MIER2: variants seen among roughly 807,000 people sequenced by gnomAD.
The protein encoded by MIER2 is mesoderm induction early response protein 2.
In MIER2, 30 loss-of-function variants were observed where a neutral mutation model predicts 67.6. The observed-to-expected ratio is 0.44, with a 90% CI of 0.33 to 0.60. The LOEUF (loss-of-function observed/expected upper bound fraction) is 0.60, where lower values mean the gene tolerates loss of function less well. Ranked by LOEUF, MIER2 falls within the 20% of genes least tolerant of loss-of-function variation. MIER2 has a pLI of 0.02. For synonymous variants in MIER2, 372 were observed against 312.6 expected (o/e 1.19, Z -2.00); for missense variants, 702 against 745.1 (o/e 0.94, Z 0.67).
At position 307,294 on chromosome 19, in the gene MIER2, G is replaced by A. The variant is rs1222704320; in HGVS notation, c.1441C>T (p.Pro481Ser). 1.3e-6 allele frequency: 2 copies of A among 1,599,302 alleles called. No individual in the cohort carries two copies. Among genetic ancestry groups the A allele is most frequent in the Non-Finnish European group, 8.5e-7 (1 of 1,173,622 alleles). ...AVDFALPKEL[P>S]LISSHVDLSG... The stretch of plus-strand genomic sequence containing the variant: ...AGGTCCACATGGCTGGAGATGAGGG[G>A]CAGCTCCTTGGGCAGGGCGAAGTCC... The change falls in exon 13 of 14, where the codon CCC becomes TCC. Residue 481 changes from proline (P) to serine (S), a missense_variant. Pro to Ser is a moderately conservative substitution (Grantham distance 74). Coordinates refer to ENST00000264819, the MANE Select transcript of MIER2 (RefSeq NM_017550.3).
chr19:335,079 G>A (rs1346538903), intron 2 of MIER2, among the ~76,000 whole-genome samples: 2 of 152,256 alleles, frequency 1.3e-5, no homozygotes, highest in Non-Finnish European at 2.9e-5. Context: ...TGGCCCAACA[G>A]TTGACGGCTG....
intron 1 of MIER2, among the ~76,000 whole-genome samples, chr19:342,178 G>T (rs899354366): frequency 6.6e-6 from 1 of 152,240 alleles, no homozygotes; most frequent in African/African-American, 2.4e-5. Context: ...CCACTCCTCC[G>T]TCTGACCAAT....
chr19:317,973 G>C (rs1376003242), intron 7 of MIER2, among the ~76,000 whole-genome samples: 2 of 152,142 alleles, frequency 1.3e-5, no homozygotes, highest in African/African-American at 4.8e-5. Flanking sequence ...GGAGGCCGAA[G>C]TGGGCAGGTC....
At chr19:337,120 G>A (rs1452249772) in intron 1 of MIER2, among the ~76,000 whole-genome samples, 2 of 152,006 alleles carry the variant, frequency 1.3e-5, no homozygotes, top group South Asian at 2.1e-4. Flanking sequence ...CTGGCATTAT[G>A]GGTGTGAGCT....
Position 306,676 on chromosome 19 carries a change from C to A in MIER2, c.*14G>T. The A allele has an allele frequency of 6.4e-7, 1 of 1,554,894 alleles. No individual in the cohort carries two copies. The highest frequency in any genetic ancestry group is 8.7e-7 in the Non-Finnish European group (1 of 1,149,030). The stretch of plus-strand genomic sequence containing the variant: ...AGTCCAGTCTGGGCCGCATACGCCG[C>A]CCGCGGCCAGGAGTCAGCAGGTCAT... On this transcript the variant is annotated 3_prime_UTR_variant, in exon 14 of 14. Transcript: ENST00000264819.
rs1201032039 is a variant in MIER2, at chr19:308,526, G to A, written c.1198+51C>T. On this transcript the variant is annotated intron_variant, in intron 12 of 13. Coordinates refer to ENST00000264819, the MANE Select transcript of MIER2 (RefSeq NM_017550.3). The surrounding 1 kb of genome is among the most constrained non-coding windows in gnomAD (Gnocchi z 9.1). The stretch of plus-strand genomic sequence containing the variant: ...GAGGCTCCACCGGGCCTCACTCACG[G>A]CTCCAGACCCGTGGCCGCCCCCAGG... 7.9e-6 allele frequency: 12 copies of A among 1,525,030 alleles called. No homozygotes were observed. The highest frequency in any genetic ancestry group is 1.1e-5 in the Non-Finnish European group (12 of 1,129,070). The allele number at this position is 1,525,030 out of a possible 1,614,324, so 94.5% of individuals were successfully genotyped here. A position where few individuals can be genotyped will look rare whatever the true frequency, so the allele number is the denominator to read the frequency against.
In MIER2 at chr19:334,440, T is replaced by A. The variant is rs202118882; in HGVS notation, c.203A>T (p.Asp68Val). The A allele has an allele frequency of 1.2e-6, 2 of 1,614,214 alleles. No individual in the cohort carries two copies. Among genetic ancestry groups the A allele is most frequent in the Non-Finnish European group, 1.7e-6 (2 of 1,180,028 alleles). The change falls in exon 3 of 14, where the codon GAC (aspartate) becomes GTC (valine). Residue 68 changes from aspartate to valine, a missense_variant. This residue lies in a region of MIER2 where 320 missense variants were observed against 292.6 expected (regional missense o/e 1.09). Transcript: ENST00000264819. The stretch of plus-strand genomic sequence containing the variant: ...CTTCTCCAGCTCCTCCTTGGGCTTG[T>A]CTGGGCACCTCGAGGCCTCCTCGCA... ...GECEEASRCP[D>V]KPKEELEKDF...
chr19:336,056 G>A (rs752784492), intron 2 of MIER2, 27 bp downstream of exon 2: 1 of 1,607,096 alleles, frequency 6.2e-7, no homozygotes, highest in East Asian at 2.2e-5. Flanking sequence ...TGGCGGACCT[G>A]AGCAGGGGAA....
chr19:320,354 T>C (rs974022959), intron 7 of MIER2, among the ~76,000 whole-genome samples: 1 of 151,892 alleles, frequency 6.6e-6, no homozygotes, highest in Non-Finnish European at 1.5e-5. Flanking sequence ...CACTCCAGCC[T>C]GAGCGACAGA....
chr19:342,926 G>C (rs978625065), intron 1 of MIER2, among the ~76,000 whole-genome samples: 2 of 152,078 alleles, frequency 1.3e-5, no homozygotes, highest in African/African-American at 4.8e-5. Context: ...GAACAAGTCC[G>C]GTGGTCAGAC....
At position 334,438 on chromosome 19, in the gene MIER2, T is replaced by C. The variant is rs889093637; in HGVS notation, c.205A>G (p.Lys69Glu). The change falls in exon 3 of 14, where the codon AAG becomes GAG. Residue 69 changes from lysine (K) to glutamate (E), a missense_variant. Physicochemically the swap from Lys to Glu is moderately conservative, Grantham distance 56. Transcript: ENST00000264819. ...TCCTTCTCCAGCTCCTCCTTGGGCTTGTCTGGGCACCTCGAGGCCTCCTCG... is the reference window on the plus strand; with the variant it reads ...TCCTTCTCCAGCTCCTCCTTGGGCTCGTCTGGGCACCTCGAGGCCTCCTCG... ...ECEEASRCPD[K>E]PKEELEKDFI... is the part of the protein sequence containing the mutation. The C allele has an allele frequency of 6.2e-7, 1 of 1,614,078 alleles. No individual in the cohort carries two copies. Among genetic ancestry groups the C allele is most frequent in the African/African-American group, 1.3e-5 (1 of 74,940 alleles).
intron 7 of MIER2, among the ~76,000 whole-genome samples, chr19:321,460 C>A (rs145468270): frequency 0.013 from 1,953 of 152,206 alleles, 93 homozygotes; most frequent in Admixed American, 0.11. Flanking sequence ...GCTTGGCCAA[C>A]ATGGTGAAAC....
chr19:329,204 T>A (rs567640968), intron 3 of MIER2, among the ~76,000 whole-genome samples: 1 of 152,098 alleles, frequency 6.6e-6, no homozygotes, highest in Non-Finnish European at 1.5e-5. Flanking sequence ...CAAGTCCACA[T>A]AGAAACCTCC....
chr19:308,895 C>T lies in MIER2; in HGVS notation c.1015G>A (p.Glu339Lys). 3 of 1,609,066 alleles carry T rather than the reference C, an allele frequency of 1.9e-6. No homozygotes were observed. Among genetic ancestry groups the T allele is most frequent in the Non-Finnish European group, 2.5e-6 (3 of 1,176,622 alleles). Reference sequence around the variant, plus strand: ...GACTTCTTCCACAGGTAGTAGTACTCGACACACTCGCCCACTGACCGTGTG... The same window carrying T: ...GACTTCTTCCACAGGTAGTAGTACTTGACACACTCGCCCACTGACCGTGTG... ...VRTRSVGECV[E>K]YYYLWKKSER... The change falls in exon 11 of 14, where the codon GAG becomes AAG. Residue 339 changes from glutamate to lysine, a missense_variant. Around this residue, in one of 3 missense-constraint regions of MIER2, gnomAD observed 128 missense variants for 189.7 expected, o/e 0.67. Transcript: ENST00000264819. The surrounding 1 kb of genome is among the most constrained non-coding windows in gnomAD (Gnocchi z 9.1).
At chr19:315,610 C>A (rs1366161339) in intron 7 of MIER2, among the ~76,000 whole-genome samples, 1 of 152,182 alleles carries the variant, frequency 6.6e-6, no homozygotes, top group Non-Finnish European at 1.5e-5. Flanking sequence ...GCAGCCTGAA[C>A]ACAGCACAAA....
At chr19:344,090 C>A in intron 1 of MIER2, 1 of 985,446 alleles carries the variant, frequency 1.0e-6, no homozygotes, top group South Asian at 4.7e-5. Flanking sequence ...GGGCTTGTTT[C>A]CTGGACGAGG....
At chr19:317,441 G>A (rs527558423) in intron 7 of MIER2, among the ~76,000 whole-genome samples, 70 of 151,964 alleles carry the variant, frequency 4.6e-4, no homozygotes, top group African/African-American at 1.6e-3. Flanking sequence ...GCAGGAGAAT[G>A]GCGTGAACCC....
At chr19:344,375 G>C in intron 1 of MIER2, 4 of 984,834 alleles carry the variant, frequency 4.1e-6, no homozygotes, top group Non-Finnish European at 4.8e-6. Context: ...GCAAAGGCGC[G>C]GGAGGGGAGG....
rs1419688112 is a variant in MIER2, at chr19:344,759, G to C, written c.9+15C>G. The C allele has an allele frequency of 1.7e-6, 2 of 1,181,174 alleles. No homozygotes were observed. Among genetic ancestry groups the C allele is most frequent in the Admixed American group, 4.6e-5 (1 of 21,922 alleles). 73.2% of individuals were successfully genotyped at this position (1,181,174 alleles called of 1,614,324 possible). On this transcript the variant is annotated intron_variant, in intron 1 of 13. Transcript: ENST00000264819. ...GCGGGGGCGGGGGGCCGGCTCCCCC[G>C]GCCCGCTCACTCACCTCCGCCATGG... is the stretch of plus-strand genomic sequence containing the variant.
Sources: allele counts gnomAD v4.1 joint callset (sites outside exome capture counted in the v4.1 genomes callset), GRCh38; gene constraint gnomAD v4.1.1; regional missense constraint gnomAD v4.1.1; non-coding constraint Gnocchi (gnomAD v3.1); transcripts MANE v1.5; gene names NCBI Gene and HGNC (gene_info 2026-07-23, HGNC 2026-07-21).